PTPRD: variants seen among roughly 807,000 people sequenced by gnomAD.
PTPRD encodes protein tyrosine phosphatase receptor type D, also known as receptor-type tyrosine-protein phosphatase delta.
PTPRD carries 34 observed loss-of-function variants against 214.5 expected under a neutral mutation model. That is an observed-to-expected ratio of 0.16 (90% CI 0.12 to 0.21). The LOEUF is 0.21. Among genes scored for constraint, PTPRD ranks in the 10% least tolerant of loss-of-function variants. The pLI, the probability that PTPRD is intolerant of heterozygous loss-of-function variation, is 1.00. For synonymous variants in PTPRD, 1,128 were observed against 845.7 expected (o/e 1.33, Z -5.79); for missense variants, 2,545 against 2,398.7 (o/e 1.06, Z -1.27).
intron 10 of PTPRD, among the ~76,000 whole-genome samples, chr9:9,084,534 C>G (rs1392387104): frequency 6.6e-6 from 1 of 151,992 alleles, no homozygotes; most frequent in East Asian, 1.9e-4. Context: ...CACATGTATC[C>G]CAGAATTAAA....
intron 3 of PTPRD, among the ~76,000 whole-genome samples, chr9:10,277,220 A>T (rs1245174223): frequency 1.4e-5 from 2 of 145,780 alleles, no homozygotes; most frequent in African/African-American, 4.9e-5. Flanking sequence ...AACATACAAC[A>T]TAAACATAAA....
chr9:9,143,755 G>A (rs1329629422), intron 10 of PTPRD, among the ~76,000 whole-genome samples: 1 of 152,232 alleles, frequency 6.6e-6, no homozygotes. Flanking sequence ...CATCCTCAGA[G>A]AGAGGAAGGC....
intron 8 of PTPRD, among the ~76,000 whole-genome samples, chr9:9,452,142 A>G (rs1038389351): frequency 5.3e-5 from 8 of 151,542 alleles, no homozygotes; most frequent in African/African-American, 1.4e-4. Context: ...GCCAAAAACA[A>G]AGAGATATCA....
At chr9:10,599,350 T>C (rs1195920495) in intron 2 of PTPRD, among the ~76,000 whole-genome samples, 1 of 151,822 alleles carries the variant, frequency 6.6e-6, no homozygotes, top group Non-Finnish European at 1.5e-5. Flanking sequence ...CCTATACTTG[T>C]TTGGGAAGTC....
intron 11 of PTPRD, among the ~76,000 whole-genome samples, chr9:8,917,212 T>C (rs1236385377): frequency 6.6e-6 from 1 of 151,102 alleles, no homozygotes; most frequent in Non-Finnish European, 1.5e-5. Flanking sequence ...CGCTGCAACC[T>C]CTGCTTCCTA....
chr9:9,052,375 A>C (rs2154395426), intron 10 of PTPRD, among the ~76,000 whole-genome samples: 1 of 152,338 alleles, frequency 6.6e-6, no homozygotes, highest in Non-Finnish European at 1.5e-5. Flanking sequence ...GGAATCCAGT[A>C]AGGCTAAATG....
intron 11 of PTPRD, chr9:8,797,300 T>C (rs1476722146): frequency 1.3e-5 from 2 of 152,190 alleles, no homozygotes; most frequent in Non-Finnish European, 2.9e-5. Flanking sequence ...CTTCTCACGA[T>C]AACCATAATG....
chr9:9,500,485 G>A lies in PTPRD; in HGVS notation c.-237+74247C>T, dbSNP rs551150261. Among the ~76,000 whole-genome samples, 4 of 152,190 alleles carry A rather than the reference G, an allele frequency of 2.6e-5. No individual in the cohort carries two copies. The South Asian group carries it at 6.2e-4, about 24-fold the overall frequency. On this transcript the variant is annotated intron_variant, in intron 8 of 45. Coordinates refer to ENST00000381196, the MANE Select transcript of PTPRD (RefSeq NM_002839.4). ...ACTGAGTTGAGACTATAGATATTGA[G>A]GTTTGGTGCTGCTAAGTTGACTGGA...
At chr9:8,341,580 G>T (rs536898557) in intron 40 of PTPRD, 113 bp downstream of exon 40, 3 of 1,230,304 alleles carry the variant, frequency 2.4e-6, no homozygotes, top group Non-Finnish European at 3.4e-6. Flanking sequence ...CTGAGGGAAA[G>T]GTCAAATGAA....
At chr9:10,078,738 C>T (rs1025534199) in intron 3 of PTPRD, among the ~76,000 whole-genome samples, 2 of 151,914 alleles carry the variant, frequency 1.3e-5, no homozygotes, top group Non-Finnish European at 2.9e-5. Context: ...CAAAATGTGC[C>T]TCCTAGGAAT....
chr9:9,677,718 G>C (rs2096964642), intron 7 of PTPRD, among the ~76,000 whole-genome samples: 1 of 151,950 alleles, frequency 6.6e-6, no homozygotes, highest in South Asian at 2.1e-4. Flanking sequence ...GTTCTGGCCA[G>C]GGCTATCAGG....
At chr9:10,505,769 T>C (rs964825961) in intron 2 of PTPRD, among the ~76,000 whole-genome samples, 4 of 152,148 alleles carry the variant, frequency 2.6e-5, no homozygotes, top group Non-Finnish European at 4.4e-5. Flanking sequence ...TATATGTCAT[T>C]GCTATTGAGG....
At chr9:10,571,623 A>T (rs2067463076) in intron 2 of PTPRD, among the ~76,000 whole-genome samples, 1 of 152,076 alleles carries the variant, frequency 6.6e-6, no homozygotes, top group Non-Finnish European at 1.5e-5. Context: ...TTACTATAAA[A>T]CTGTGTATGT....
intron 12 of PTPRD, chr9:8,701,300 G>A (rs1024297783): frequency 1.3e-5 from 2 of 152,052 alleles, no homozygotes; most frequent in African/African-American, 4.8e-5. Flanking sequence ...TTCAACTCAA[G>A]TATTATAATG....
chr9:9,868,435 T>A lies in PTPRD; in HGVS notation c.-368+70072A>T, dbSNP rs566548118. On this transcript the variant is annotated intron_variant, in intron 5 of 45. Transcript: ENST00000381196. Reference sequence around the variant, plus strand: ...CAGTTCCTGTCATAACTCTAGTTATTGGTGTGAAAGAGCAAGTCAAAGATC... The same window carrying A: ...CAGTTCCTGTCATAACTCTAGTTATAGGTGTGAAAGAGCAAGTCAAAGATC... 2.0e-5 allele frequency among the ~76,000 whole-genome samples: 3 copies of A among 152,234 alleles called. No individual in the cohort carries two copies. In the South Asian group the frequency reaches 6.2e-4, roughly 32 times the overall value.
At chr9:10,241,088 C>G (rs905495634) in intron 3 of PTPRD, among the ~76,000 whole-genome samples, 1 of 150,968 alleles carries the variant, frequency 6.6e-6, no homozygotes, top group Non-Finnish European at 1.5e-5. Flanking sequence ...CAAATAAGCT[C>G]ATAAAAAGAT....
At chr9:8,901,576 C>G (rs1053186094) in intron 11 of PTPRD, among the ~76,000 whole-genome samples, 1 of 152,178 alleles carries the variant, frequency 6.6e-6, no homozygotes, top group Non-Finnish European at 1.5e-5. Flanking sequence ...TATCCAAGCT[C>G]TCAGCAGTAA....
chr9:10,527,643 T>A (rs921441906), intron 2 of PTPRD, among the ~76,000 whole-genome samples: 14 of 152,072 alleles, frequency 9.2e-5, no homozygotes, highest in African/African-American at 3.1e-4. Flanking sequence ...TTTGAGAATT[T>A]CCCCTAAAAT....
chr9:9,810,554 T>A (rs2046830567), intron 5 of PTPRD, among the ~76,000 whole-genome samples: 1 of 151,828 alleles, frequency 6.6e-6, no homozygotes, highest in Non-Finnish European at 1.5e-5. Context: ...AGCAAAACTT[T>A]ACCACATGGT....
Sources: gnomAD v4.1 joint callset for allele counts (sites outside exome capture counted in the v4.1 genomes callset) on GRCh38, gnomAD v4.1.1 for gene constraint, MANE v1.5 for transcripts, NCBI Gene and HGNC (gene_info 2026-07-23, HGNC 2026-07-21) for gene names.